MAP6: variants seen among roughly 807,000 people sequenced by gnomAD.
MAP6 encodes the protein microtubule-associated protein 6.
A neutral mutation model predicts 42.4 loss-of-function variants in MAP6; 26 were observed. The observed-to-expected ratio is 0.61, with a 90% CI of 0.45 to 0.85. The LOEUF is 0.85. Among genes scored for constraint, MAP6 ranks in the 40% least tolerant of loss-of-function variants. The probability of loss-of-function intolerance (pLI) is 0.00; values close to 1 mark genes in which losing one functional copy is unlikely to be tolerated. For missense variants in MAP6, 966 were observed against 1,099.0 expected (o/e 0.88, Z 1.71); for synonymous variants, 418 against 443.8 (o/e 0.94, Z 0.73).
At position 75,637,430 on chromosome 11, in the gene MAP6, A is replaced by T. The variant is rs144261509; in HGVS notation, c.906-29108T>A. ...TAAAAGGGCAGAAACACATCTAATG[A>T]AATAAACCCAGCTATTTATAGGGTC... On this transcript the variant is annotated intron_variant, in intron 1 of 3. Coordinates refer to ENST00000304771, the MANE Select transcript of MAP6 (RefSeq NM_033063.2). Among the ~76,000 whole-genome samples, 6 of 152,338 alleles carry T rather than the reference A, an allele frequency of 3.9e-5. 1 individual carries two copies. The East Asian group carries it at 1.2e-3, about 29-fold the overall frequency.
At chr11:75,646,499 TAAAAAAA>T (rs763735730) in intron 1 of MAP6, among the ~76,000 whole-genome samples, 1 of 66,690 alleles carries the variant, frequency 1.5e-5, no homozygotes, top group Admixed American at 1.8e-4. Flanking sequence ...CCATCTCTAT[TAAAAAAA>T]AAAAAAAAAA....
chr11:75,617,342 C>A (rs112815147), intron 1 of MAP6, among the ~76,000 whole-genome samples: 2,534 of 151,966 alleles, frequency 0.017, 73 homozygotes, highest in African/African-American at 0.058. Context: ...CATGGTAAAA[C>A]CCCCTCTCTA....
intron 1 of MAP6, among the ~76,000 whole-genome samples, chr11:75,609,989 T>A (rs1204833092): frequency 2.0e-5 from 3 of 152,186 alleles, no homozygotes; most frequent in African/African-American, 7.2e-5. Flanking sequence ...AATAGGCAAT[T>A]GATTGATGAG....
chr11:75,663,953 C>T (rs1943900083), intron 1 of MAP6, among the ~76,000 whole-genome samples: 1 of 152,208 alleles, frequency 6.6e-6, no homozygotes. Flanking sequence ...CTGGTTTCTT[C>T]TAGGAAAAGT....
chr11:75,609,810 C>T (rs896923384), intron 1 of MAP6, among the ~76,000 whole-genome samples: 7 of 152,292 alleles, frequency 4.6e-5, no homozygotes, highest in Admixed American at 1.3e-4. Flanking sequence ...GCCTGGGTCC[C>T]CACCTAGATG....
chr11:75,634,628 C>T (rs1943340043), intron 1 of MAP6, among the ~76,000 whole-genome samples: 1 of 152,088 alleles, frequency 6.6e-6, no homozygotes, highest in African/African-American at 2.4e-5. Context: ...TTTTCATGGC[C>T]AAAGGATGGC....
At chr11:75,625,810 C>T (rs1368435447) in intron 1 of MAP6, among the ~76,000 whole-genome samples, 2 of 152,170 alleles carry the variant, frequency 1.3e-5, no homozygotes, top group Non-Finnish European at 2.9e-5. Context: ...CACACTTCTG[C>T]CATGGTTGAA....
intron 1 of MAP6, among the ~76,000 whole-genome samples, chr11:75,651,299 G>A (rs1012421711): frequency 6.6e-6 from 1 of 152,064 alleles, no homozygotes; most frequent in East Asian, 1.9e-4. Context: ...GTGCTAAAAG[G>A]CTCCCCACAG....
At chr11:75,604,042 T>C in intron 3 of MAP6, 1 of 985,894 alleles carries the variant, frequency 1.0e-6, no homozygotes, top group Non-Finnish European at 1.2e-6. Flanking sequence ...CATTTCCTGA[T>C]AGCTTTCAAA....
chr11:75,633,242 A>C (rs1219020583), intron 1 of MAP6, among the ~76,000 whole-genome samples: 1 of 152,148 alleles, frequency 6.6e-6, no homozygotes, highest in Non-Finnish European at 1.5e-5. Context: ...GGACTTACGA[A>C]GGCAAATGAT....
At chr11:75,630,272 T>C (rs1479169711) in intron 1 of MAP6, among the ~76,000 whole-genome samples, 15 of 152,338 alleles carry the variant, frequency 9.8e-5, no homozygotes, top group African/African-American at 3.6e-4. Flanking sequence ...AGGGTAATAT[T>C]GACCTTATAG....
chr11:75,626,379 G>A (rs2135624153), intron 1 of MAP6, among the ~76,000 whole-genome samples: 2 of 152,290 alleles, frequency 1.3e-5, no homozygotes, highest in Middle Eastern at 6.8e-3. Context: ...ACACACTGGA[G>A]CTCAGGCTTG....
chr11:75,639,895 C>A (rs567940095), intron 1 of MAP6, among the ~76,000 whole-genome samples: 1 of 152,168 alleles, frequency 6.6e-6, no homozygotes, highest in African/African-American at 2.4e-5. Flanking sequence ...GGTGCCCAAG[C>A]GCTAGCTTGG....
intron 1 of MAP6, among the ~76,000 whole-genome samples, chr11:75,613,904 T>C (rs1364402847): frequency 1.3e-5 from 2 of 152,192 alleles, no homozygotes; most frequent in Non-Finnish European, 2.9e-5. Flanking sequence ...GCAAGACTTT[T>C]CTGGGCTGCT....
rs1646032078 is a variant in MAP6 at position 75,667,373 on chromosome 11, G to T, written c.905+92C>A. 1 of 1,227,424 alleles carries T rather than the reference G, an allele frequency of 8.1e-7. No homozygotes were observed. The highest frequency in any genetic ancestry group is 1.1e-6 in the Non-Finnish European group (1 of 938,166). The allele number at this position is 1,227,424 out of a possible 1,614,324, so 76.0% of individuals were successfully genotyped here. On this transcript the variant is annotated intron_variant, in intron 1 of 3. Coordinates refer to ENST00000304771, the MANE Select transcript of MAP6 (RefSeq NM_033063.2). This position sits in a 1 kb window ranked among gnomAD's most constrained non-coding sequence, Gnocchi z 5.6. ...GCCTGGGACTGGAGGGAGGCTGCAC[G>T]CTAGGCCTGCGCTGGGGATCCTGGG... is the stretch of plus-strand genomic sequence containing the variant.
chr11:75,667,635 G>A lies in MAP6; in HGVS notation c.735C>T (p.Ala245=). 4 of 1,273,244 alleles carry A rather than the reference G, an allele frequency of 3.1e-6. No individual in the cohort carries two copies. The South Asian group carries it at 8.4e-5, about 27-fold the overall frequency. The allele number at this position is 1,273,244 out of a possible 1,614,324, so 78.9% of individuals were successfully genotyped here. A position where few individuals can be genotyped will look rare whatever the true frequency, so the allele number is the denominator to read the frequency against. ...GGCCCTCGGCGCGGCGCACAATCCA[G>A]GCAGGCCCGGCCTTCCTGCGCGTGT... ...ERDTRRKAGP[A]WIVRRAEGLG... Residue 245 remains alanine (A), a synonymous_variant, in exon 1 of 4, where the codon GCC becomes GCT. Coordinates refer to ENST00000304771, the MANE Select transcript of MAP6 (RefSeq NM_033063.2). The surrounding 1 kb of genome is among the most constrained non-coding windows in gnomAD (Gnocchi z 5.6).
At chr11:75,589,105 C>T (rs566307011) in intron 3 of MAP6, among the ~76,000 whole-genome samples, 1 of 152,338 alleles carries the variant, frequency 6.6e-6, no homozygotes, top group East Asian at 1.9e-4. Context: ...CCCCTAACTC[C>T]ATTCCCACTT....
At chr11:75,636,158 G>A (rs1487393240) in intron 1 of MAP6, 1 of 152,198 alleles carries the variant, frequency 6.6e-6, no homozygotes, top group Non-Finnish European at 1.5e-5. Context: ...GCACATGAGA[G>A]AAACTCTAAG....
chr11:75,594,912 C>A (rs1942550505), intron 3 of MAP6, among the ~76,000 whole-genome samples: 1 of 152,176 alleles, frequency 6.6e-6, no homozygotes, highest in South Asian at 2.1e-4. Flanking sequence ...CACCTCCAAG[C>A]TGGGCCCTAA....
Sources: gnomAD v4.1 joint callset for allele counts (sites outside exome capture counted in the v4.1 genomes callset) on GRCh38, gnomAD v4.1.1 for gene constraint, Gnocchi (gnomAD v3.1) non-coding constraint, MANE v1.5 for transcripts, NCBI Gene and HGNC (gene_info 2026-07-23, HGNC 2026-07-21) for gene names.